Variants in LRRC4C observed in about 807,000 individuals in gnomAD.
The protein encoded by LRRC4C is leucine rich repeat containing 4C.
Under a neutral mutation model 33.6 loss-of-function variants are expected in LRRC4C, and 5 were observed. The observed-to-expected ratio is 0.15, with a 90% CI of 0.08 to 0.31. The LOEUF is 0.31. LRRC4C is among the 10% of genes least tolerant of loss of function. The pLI is 1.00. For synonymous variants in LRRC4C, 329 were observed against 302.0 expected (o/e 1.09, Z -0.93); for missense variants, 560 against 796.7 (o/e 0.70, Z 3.58).
chr11:41,216,460 T>TAA (rs75829426), intron 1 of LRRC4C, among the ~76,000 whole-genome samples: 2 of 128,484 alleles, frequency 1.6e-5, no homozygotes, highest in African/African-American at 2.8e-5. Flanking sequence ...CATTCTTAAG[T>TAA]AAAAAAAAAA....
At chr11:41,298,152 T>A (rs1309139726) in intron 1 of LRRC4C, among the ~76,000 whole-genome samples, 3 of 152,218 alleles carry the variant, frequency 2.0e-5, no homozygotes, top group Non-Finnish European at 4.4e-5. Flanking sequence ...CTTCCCATCT[T>A]CCTGCTCAGC....
intron 1 of LRRC4C, among the ~76,000 whole-genome samples, chr11:41,073,613 A>G (rs886286764): frequency 2.0e-5 from 3 of 152,198 alleles, no homozygotes; most frequent in Non-Finnish European, 4.4e-5. Context: ...CATTGTTACT[A>G]TCATTTTTGC....
intron 1 of LRRC4C, among the ~76,000 whole-genome samples, chr11:41,302,370 G>T (rs1256291343): frequency 6.6e-6 from 1 of 152,148 alleles, no homozygotes; most frequent in Non-Finnish European, 1.5e-5. Context: ...AGTTGAGAGA[G>T]ACAGAACCTT....
chr11:40,378,940 C>A (rs1316340751), intron 3 of LRRC4C, among the ~76,000 whole-genome samples: 2 of 152,096 alleles, frequency 1.3e-5, no homozygotes, highest in African/African-American at 4.8e-5. Context: ...GCTTTACTGA[C>A]AGATATTTGG....
intron 2 of LRRC4C, among the ~76,000 whole-genome samples, chr11:40,724,233 C>CT (rs1947175974): frequency 6.6e-6 from 1 of 152,152 alleles, no homozygotes; most frequent in South Asian, 2.1e-4. Flanking sequence ...ATTCTGGACT[C>CT]TATTTGACAC....
rs181138947 is a variant in LRRC4C, at chr11:40,634,554, A to T, written c.-270+13588T>A. On this transcript the variant is annotated intron_variant, in intron 3 of 6. Coordinates refer to ENST00000528697, the MANE Select transcript of LRRC4C (RefSeq NM_001258419.2). ...TGACAACTAAGATGTTCGTACTAAC[A>T]TTTAGACATAATTTACTTTAAAAAT... Among the ~76,000 whole-genome samples the T allele has an allele frequency of 1.5e-3, 234 of 152,270 alleles. 1 individual carries two copies. Among genetic ancestry groups the T allele is most frequent in the African/African-American group, 5.5e-3 (227 of 41,566 alleles).
chr11:40,546,747 T>C (rs1242450315), intron 3 of LRRC4C, among the ~76,000 whole-genome samples: 1 of 152,076 alleles, frequency 6.6e-6, no homozygotes, highest in Admixed American at 6.6e-5. Context: ...CTTCACATTC[T>C]CTCCAAATAA....
At chr11:40,874,560 T>TC (rs1469777479) in intron 2 of LRRC4C, among the ~76,000 whole-genome samples, 1 of 152,194 alleles carries the variant, frequency 6.6e-6, no homozygotes, top group African/African-American at 2.4e-5. Flanking sequence ...TCACTTTTTT[T>TC]CCCTTTCTTC....
chr11:41,364,426 G>A (rs1395235171), intron 1 of LRRC4C, among the ~76,000 whole-genome samples: 2 of 151,950 alleles, frequency 1.3e-5, no homozygotes, highest in African/African-American at 4.8e-5. Context: ...TTATAGGCAC[G>A]CACCACCACG....
intron 1 of LRRC4C, among the ~76,000 whole-genome samples, chr11:41,399,953 C>T (rs1165433947): frequency 1.3e-5 from 2 of 151,840 alleles, no homozygotes; most frequent in African/African-American, 2.4e-5. Flanking sequence ...TAACAGAGCA[C>T]CAGGACATGT....
intron 1 of LRRC4C, among the ~76,000 whole-genome samples, chr11:41,111,968 G>A (rs527989882): frequency 6.6e-6 from 1 of 152,040 alleles, no homozygotes; most frequent in South Asian, 2.1e-4. Context: ...AAGAGGTTAG[G>A]CAACAAGCAA....
At chr11:41,301,736 G>C (rs959881391) in intron 1 of LRRC4C, among the ~76,000 whole-genome samples, 1 of 152,092 alleles carries the variant, frequency 6.6e-6, no homozygotes. Context: ...AATTTCATCA[G>C]AGGAGAGAGT....
intron 5 of LRRC4C, among the ~76,000 whole-genome samples, chr11:40,238,987 A>G (rs927864768): frequency 2.6e-5 from 4 of 152,312 alleles, no homozygotes; most frequent in Middle Eastern, 3.4e-3. Flanking sequence ...GCTGAATTCC[A>G]AAGAACGACA....
chr11:40,751,708 A>G (rs1018267234), intron 2 of LRRC4C, among the ~76,000 whole-genome samples: 14 of 152,146 alleles, frequency 9.2e-5, no homozygotes, highest in Admixed American at 2.6e-4. Context: ...TCCAATCCTT[A>G]TCAAAATACC....
chr11:41,093,927 C>CA (rs56173087), intron 1 of LRRC4C, among the ~76,000 whole-genome samples: 21,433 of 58,618 alleles, frequency 0.37, 3,095 homozygotes, highest in East Asian at 0.49. Flanking sequence ...CCGTCTCCAC[C>CA]AAAAAAAAAA....
At chr11:40,248,417 T>C (rs1255574302) in intron 4 of LRRC4C, among the ~76,000 whole-genome samples, 4 of 152,204 alleles carry the variant, frequency 2.6e-5, no homozygotes, top group Non-Finnish European at 5.9e-5. Context: ...GTAGCATCCA[T>C]GGTCTCCCTC....
intron 1 of LRRC4C, among the ~76,000 whole-genome samples, chr11:41,124,468 T>C (rs1942638251): frequency 6.6e-6 from 1 of 152,212 alleles, no homozygotes; most frequent in Non-Finnish European, 1.5e-5. Context: ...TTCTTCGTTC[T>C]ACAGCACTTG....
chr11:40,484,490 A>G (rs1200099167), intron 3 of LRRC4C, among the ~76,000 whole-genome samples: 3 of 152,096 alleles, frequency 2.0e-5, no homozygotes, highest in Non-Finnish European at 4.4e-5. Context: ...AATACAAGAA[A>G]AGGATGGAAA....
intron 1 of LRRC4C, among the ~76,000 whole-genome samples, chr11:41,372,173 T>A (rs113873449): frequency 1.9e-4 from 29 of 152,202 alleles, no homozygotes; most frequent in African/African-American, 7.0e-4. Context: ...AATAAAGAAA[T>A]TGACCAGAGT....
Sources: allele counts gnomAD v4.1 joint callset (sites outside exome capture counted in the v4.1 genomes callset), GRCh38; gene constraint gnomAD v4.1.1; transcripts MANE v1.5; gene names NCBI Gene and HGNC (gene_info 2026-07-23, HGNC 2026-07-21).